Variants in SORCS2 observed in about 807,000 individuals in gnomAD.
SORCS2 encodes sortilin related VPS10 domain containing receptor 2, also known as VPS10 domain-containing receptor SorCS2.
SORCS2 carries 100 observed loss-of-function variants against 141.6 expected under a neutral mutation model. The observed-to-expected ratio is 0.71, with a 90% CI of 0.60 to 0.83. The LOEUF (loss-of-function observed/expected upper bound fraction) is 0.83. Ranked by LOEUF, SORCS2 falls within the 40% of genes least tolerant of loss-of-function variation. The probability of loss-of-function intolerance (pLI) is 0.00; values close to 1 mark genes in which losing one functional copy is unlikely to be tolerated. For missense variants in SORCS2, 1,646 were observed against 1,560.2 expected, an observed-to-expected ratio of 1.05 and a Z score of -0.93; for synonymous variants, 789 against 676.9, an observed-to-expected ratio of 1.17 and a Z score of -2.57.
intron 2 of SORCS2, among the ~76,000 whole-genome samples, chr4:7,484,983 C>T (rs1167951197): frequency 9.0e-6 from 1 of 110,502 alleles, no homozygotes; most frequent in Non-Finnish European, 2.0e-5. Context: ...CCGGCCCTCC[C>T]CAACATGTCA....
chr4:7,449,693 C>A (rs999511660), intron 2 of SORCS2, among the ~76,000 whole-genome samples: 6 of 152,040 alleles, frequency 3.9e-5, no homozygotes, highest in African/African-American at 1.2e-4. Flanking sequence ...TCCTCCTCTT[C>A]CATGTTGGCC....
At chr4:7,579,706 T>C (rs9884644) in intron 3 of SORCS2, among the ~76,000 whole-genome samples, 1 of 152,198 alleles carries the variant, frequency 6.6e-6, no homozygotes, top group African/African-American at 2.4e-5. Context: ...GGGCCTTGTG[T>C]GAAGCATTCA....
chr4:7,310,881 A>G (rs1051725441), intron 1 of SORCS2, among the ~76,000 whole-genome samples: 2 of 152,272 alleles, frequency 1.3e-5, no homozygotes, highest in Admixed American at 1.3e-4. Flanking sequence ...ACCATCAGCT[A>G]GAACAACATA....
At chr4:7,415,951 T>C (rs948657635) in intron 2 of SORCS2, among the ~76,000 whole-genome samples, 1 of 151,970 alleles carries the variant, frequency 6.6e-6, no homozygotes, top group African/African-American at 2.4e-5. Context: ...CTTTGAAGGA[T>C]GGATAGGAGT....
intron 3 of SORCS2, among the ~76,000 whole-genome samples, chr4:7,550,091 C>T (rs1414535406): frequency 3.4e-5 from 2 of 59,572 alleles, no homozygotes; most frequent in South Asian, 1.1e-3. Context: ...CTGCCGGGAG[C>T]TGGTGTTTTT....
Position 7,204,789 on chromosome 4 carries a change from C to G in SORCS2, c.480+11663C>G, listed in dbSNP as rs557774929. Among the ~76,000 whole-genome samples the G allele has an allele frequency of 4.0e-4, 61 of 152,290 alleles. 1 individual carries two copies. The highest frequency in any genetic ancestry group is 1.4e-3 in the African/African-American group (60 of 41,556). ...CCCAAGGAGGGGGTATCTCTCTGAG[C>G]CCAGGAAATCCAGATCTGTCAATTT... On this transcript the variant is annotated intron_variant, in intron 1 of 26. Transcript: ENST00000507866.
intron 1 of SORCS2, among the ~76,000 whole-genome samples, chr4:7,350,979 C>A (rs918956662): frequency 1.3e-5 from 2 of 152,122 alleles, no homozygotes; most frequent in Non-Finnish European, 2.9e-5. Context: ...CTGGGGCACA[C>A]GTGGTCGGGG....
intron 2 of SORCS2, among the ~76,000 whole-genome samples, chr4:7,529,890 G>A (rs1158905832): frequency 1.3e-5 from 2 of 152,232 alleles, no homozygotes; most frequent in African/African-American, 2.4e-5. Flanking sequence ...GGGGCAGACA[G>A]AGGCCAGACA....
intron 1 of SORCS2, among the ~76,000 whole-genome samples, chr4:7,333,176 G>A (rs1364282480): frequency 1.3e-5 from 2 of 152,196 alleles, no homozygotes; most frequent in Non-Finnish European, 2.9e-5. Flanking sequence ...CCCCACTAGG[G>A]CATCCCATTT....
At chr4:7,465,274 G>A (rs191609125) in intron 2 of SORCS2, among the ~76,000 whole-genome samples, 13 of 152,326 alleles carry the variant, frequency 8.5e-5, no homozygotes, top group Admixed American at 1.3e-4. Flanking sequence ...TAATCTCAGC[G>A]GTTGCCATTT....
At chr4:7,271,224 T>C (rs1367563222) in intron 1 of SORCS2, among the ~76,000 whole-genome samples, 1 of 152,178 alleles carries the variant, frequency 6.6e-6, no homozygotes, top group African/African-American at 2.4e-5. Context: ...GCCCTGGGGA[T>C]GTCGCTCCTC....
intron 3 of SORCS2, among the ~76,000 whole-genome samples, chr4:7,564,978 C>T (rs529098933): frequency 1.1e-4 from 16 of 152,212 alleles, no homozygotes; most frequent in East Asian, 1.9e-4. Context: ...GAATGAGATG[C>T]GGTGCACCGG....
At chr4:7,253,543 C>T (rs949701600) in intron 1 of SORCS2, among the ~76,000 whole-genome samples, 17 of 152,196 alleles carry the variant, frequency 1.1e-4, no homozygotes, top group African/African-American at 1.9e-4. Flanking sequence ...CACTGAGTGC[C>T]GGGGCGGAGG....
intron 1 of SORCS2, among the ~76,000 whole-genome samples, chr4:7,338,007 C>T (rs1720096291): frequency 6.6e-6 from 1 of 152,232 alleles, no homozygotes; most frequent in South Asian, 2.1e-4. Flanking sequence ...ATCCCCATCA[C>T]CTGGGCATTG....
intron 3 of SORCS2, among the ~76,000 whole-genome samples, chr4:7,598,702 T>G (rs187702247): frequency 2.0e-5 from 3 of 152,348 alleles, no homozygotes; most frequent in South Asian, 4.1e-4. Context: ...GCTTTCCCCA[T>G]GAAAACCTCA....
intron 2 of SORCS2, chr4:7,433,458 G>A (rs932429382): frequency 1.3e-6 from 2 of 1,555,764 alleles, no homozygotes; most frequent in Non-Finnish European, 1.7e-6. Context: ...CCAGCAGTGG[G>A]GTCCTGGGGC....
chr4:7,326,268 G>C (rs555181198), intron 1 of SORCS2, among the ~76,000 whole-genome samples: 1 of 151,964 alleles, frequency 6.6e-6, no homozygotes, highest in African/African-American at 2.4e-5. Context: ...CTCAGCAGGG[G>C]TGTCAGGATC....
chr4:7,419,231 A>G (rs543722089), intron 2 of SORCS2, among the ~76,000 whole-genome samples: 1 of 152,300 alleles, frequency 6.6e-6, no homozygotes, highest in South Asian at 2.1e-4. Flanking sequence ...CTAGTTCCCA[A>G]CTGCTGAGTG....
intron 1 of SORCS2, among the ~76,000 whole-genome samples, chr4:7,330,430 G>T (rs984828779): frequency 5.3e-5 from 8 of 151,946 alleles, no homozygotes; most frequent in African/African-American, 1.4e-4. Context: ...GGATGAGTCT[G>T]GTTGAGCTGC....
Sources: gnomAD v4.1 joint callset for allele counts (sites outside exome capture counted in the v4.1 genomes callset) on GRCh38, gnomAD v4.1.1 for gene constraint, MANE v1.5 for transcripts, NCBI Gene and HGNC (gene_info 2026-07-23, HGNC 2026-07-21) for gene names.